The following TANGO6 variants were observed in gnomAD, a reference collection of about 807,000 sequenced individuals.
TANGO6 encodes transport and golgi organization 6 homolog, also known as transport and Golgi organization protein 6 homolog.
In TANGO6, 90 loss-of-function variants were observed where a neutral mutation model predicts 114.2. That is an observed-to-expected ratio of 0.79 (90% CI 0.66 to 0.94). The LOEUF (loss-of-function observed/expected upper bound fraction) is 0.94, where lower values mean the gene tolerates loss of function less well. Ranked by LOEUF, TANGO6 falls within the 40% of genes least tolerant of loss-of-function variation. The probability of loss-of-function intolerance (pLI) is 0.00; values close to 1 mark genes in which losing one functional copy is unlikely to be tolerated. For missense variants in TANGO6, 1,274 were observed against 1,315.3 expected (o/e 0.97, Z 0.49); for synonymous variants, 477 against 509.8 (o/e 0.94, Z 0.87).
chr16:69,073,399 A>C (rs1960324667), intron 17 of TANGO6, among the ~76,000 whole-genome samples: 1 of 152,222 alleles, frequency 6.6e-6, no homozygotes, highest in African/African-American at 2.4e-5. Context: ...TTTCTCTCTT[A>C]GAACGGAGAT....
Position 68,909,218 on chromosome 16 carries a change from C to T in TANGO6, c.1808C>T (p.Thr603Ile), listed in dbSNP as rs757100497. The T allele has an allele frequency of 1.9e-6, 3 of 1,571,902 alleles. No individual in the cohort carries two copies. Among genetic ancestry groups the T allele is most frequent in the Non-Finnish European group, 8.7e-7 (1 of 1,155,150 alleles). ...TTCCTGCCATGCTTGTAGGAGTTGA[C>T]TCATGTGGCCTCGGAAAATGAAACA... is the stretch of plus-strand genomic sequence containing the variant. The part of the protein sequence containing the change: ...DFFIFCLKEL[T>I]HVASENETEL... The change falls in exon 11 of 18, where the codon ACT becomes ATT. Residue 603 changes from threonine (T) to isoleucine (I), a missense_variant. This residue lies in a region of TANGO6 where 908 missense variants were observed against 910.2 expected (regional missense o/e 1.00). Transcript: ENST00000261778.
chr16:68,940,601 T>A (rs1056114125), intron 14 of TANGO6, among the ~76,000 whole-genome samples: 1 of 151,982 alleles, frequency 6.6e-6, no homozygotes, highest in Non-Finnish European at 1.5e-5. Context: ...GAACTTTCTA[T>A]GTGGCCTATA....
intron 17 of TANGO6, among the ~76,000 whole-genome samples, chr16:69,044,045 C>A (rs1959813415): frequency 6.6e-6 from 1 of 152,140 alleles, no homozygotes; most frequent in Non-Finnish European, 1.5e-5. Context: ...AACACAATAT[C>A]CACATTGGAG....
intron 11 of TANGO6, among the ~76,000 whole-genome samples, chr16:68,918,200 G>A (rs1963035177): frequency 1.3e-5 from 2 of 152,116 alleles, no homozygotes; most frequent in Admixed American, 6.6e-5. Flanking sequence ...GAGCCACCGT[G>A]CTCAACCCAG....
At chr16:69,034,726 G>C (rs189228362) in intron 16 of TANGO6, 12 of 152,290 alleles carry the variant, frequency 7.9e-5, no homozygotes, top group Admixed American at 3.9e-4. Context: ...TTTGGGCACT[G>C]TCTGCTATGA....
At chr16:69,045,836 C>T (rs1426840918) in intron 17 of TANGO6, among the ~76,000 whole-genome samples, 1 of 151,674 alleles carries the variant, frequency 6.6e-6, no homozygotes, top group African/African-American at 2.4e-5. Flanking sequence ...GAGGCTGAGG[C>T]GGGTGGATCA....
At chr16:69,063,808 C>CTTCTTCTTATTATTATTATTA (rs56983779) in intron 17 of TANGO6, among the ~76,000 whole-genome samples, 5 of 125,584 alleles carry the variant, frequency 4.0e-5, no homozygotes, top group African/African-American at 1.6e-4. Context: ...TCTTCTTCTT[C>CTTCTTCTTATTATTATTATTA]TTATTATTAT....
At chr16:68,981,149 A>G (rs553454834) in intron 15 of TANGO6, among the ~76,000 whole-genome samples, 6 of 150,810 alleles carry the variant, frequency 4.0e-5, no homozygotes, top group African/African-American at 9.8e-5. Flanking sequence ...ATGTGGTCCA[A>G]TGTCAATGTT....
chr16:68,945,595 C>T (rs1272449558), intron 14 of TANGO6, among the ~76,000 whole-genome samples: 2 of 152,122 alleles, frequency 1.3e-5, no homozygotes, highest in Non-Finnish European at 2.9e-5. Flanking sequence ...ATTTGATTTG[C>T]ACTTCACTCA....
intron 9 of TANGO6, among the ~76,000 whole-genome samples, chr16:68,903,100 A>T (rs1327020340): frequency 6.6e-6 from 1 of 152,318 alleles, no homozygotes; most frequent in East Asian, 1.9e-4. Flanking sequence ...TAGTCCATGT[A>T]ACATTCATGG....
intron 14 of TANGO6, among the ~76,000 whole-genome samples, chr16:68,961,261 A>G (rs1249370519): frequency 6.6e-6 from 1 of 152,230 alleles, no homozygotes; most frequent in Non-Finnish European, 1.5e-5. Flanking sequence ...CAAAGCTAGT[A>G]TGATTCCGGT....
At chr16:68,881,968 G>T (rs1962467546) in intron 7 of TANGO6, among the ~76,000 whole-genome samples, 1 of 152,004 alleles carries the variant, frequency 6.6e-6, no homozygotes, top group African/African-American at 2.4e-5. Context: ...TGAATATAGT[G>T]AGACCCGAGC....
At chr16:69,068,255 C>T (rs966047695) in intron 17 of TANGO6, among the ~76,000 whole-genome samples, 10 of 152,022 alleles carry the variant, frequency 6.6e-5, no homozygotes, top group South Asian at 2.1e-4. Context: ...GAGCTATGAT[C>T]GTGCCACTGT....
In TANGO6 at chr16:68,860,449, T is replaced by C; in HGVS notation, c.660T>C (p.Phe220=). ...GGAGCTTGATCTTCTGCCACCACTTTGGGGATATCGCAGCAGGTCTGTGCC... is the reference window on the plus strand; with the variant it reads ...GGAGCTTGATCTTCTGCCACCACTTCGGGGATATCGCAGCAGGTCTGTGCC... ...SLGSLIFCHH[F]GDIAAGLCQL... is the part of the protein sequence containing the mutation. Residue 220 remains phenylalanine (F), a synonymous_variant, in exon 2 of 18, where the codon TTT becomes TTC. Transcript: ENST00000261778. 6.2e-7 allele frequency: 1 copy of C among 1,614,016 alleles called. No homozygotes were observed. The highest frequency in any genetic ancestry group is 8.5e-7 in the Non-Finnish European group (1 of 1,179,892).
intron 14 of TANGO6, among the ~76,000 whole-genome samples, chr16:68,932,095 A>AT (rs1021724091): frequency 5.5e-4 from 78 of 142,954 alleles, no homozygotes; most frequent in Middle Eastern, 7.9e-3. Flanking sequence ...AATAAAAAAA[A>AT]TTTTTTTTTT....
chr16:68,992,568 C>T (rs74656200), intron 15 of TANGO6, among the ~76,000 whole-genome samples: 2,876 of 152,218 alleles, frequency 0.019, 31 homozygotes, highest in Non-Finnish European at 0.027. Context: ...AGGCAAAAGC[C>T]AACCCTAGTA....
chr16:68,980,383 T>TTCTCTCTCTCTCTCTCTCTCTCTCTC lies in TANGO6; in HGVS notation c.2842+6217_2842+6242dup, dbSNP rs143061953. 3.6e-3 allele frequency among the ~76,000 whole-genome samples: 132 copies of TTCTCTCTCTCTCTCTCTCTCTCTCTC among 36,714 alleles called. 14 individuals are homozygous for TTCTCTCTCTCTCTCTCTCTCTCTCTC. Among genetic ancestry groups the TTCTCTCTCTCTCTCTCTCTCTCTCTC allele is most frequent in the East Asian group, 5.7e-3 (7 of 1,224 alleles). The allele number at this position is 36,714 out of a possible 152,430, so 24.1% of individuals were successfully genotyped here. A position where few individuals can be genotyped will look rare whatever the true frequency, so the allele number is the denominator to read the frequency against. On this transcript the variant is annotated intron_variant, in intron 15 of 17. Transcript: ENST00000261778. ...TGAGTATGAATCTATCTGTCTGTCA[T>TTCTCTCTCTCTCTCTCTCTCTCTCTC]TCTCTCTCTCTCTCTCTCTCTCTCT...
chr16:69,036,863 C>T (rs891624225), intron 16 of TANGO6, among the ~76,000 whole-genome samples: 1 of 151,574 alleles, frequency 6.6e-6, no homozygotes, highest in Non-Finnish European at 1.5e-5. Flanking sequence ...CTCCGGAGGC[C>T]GAGGTGGGAG....
At chr16:68,851,493 C>T (rs1370932540) in intron 1 of TANGO6, among the ~76,000 whole-genome samples, 2 of 152,178 alleles carry the variant, frequency 1.3e-5, no homozygotes, top group African/African-American at 2.4e-5. Flanking sequence ...TCTTAGCAAT[C>T]GGTACATGAT....
Sources: allele counts gnomAD v4.1 joint callset (sites outside exome capture counted in the v4.1 genomes callset), GRCh38; gene constraint gnomAD v4.1.1; regional missense constraint gnomAD v4.1.1; transcripts MANE v1.5; gene names NCBI Gene and HGNC (gene_info 2026-07-23, HGNC 2026-07-21).